The following SPTBN5 variants were observed in gnomAD, a reference collection of about 807,000 sequenced individuals.
SPTBN5 encodes spectrin beta chain, non-erythrocytic 5.
In SPTBN5, 513 loss-of-function variants were observed where a neutral mutation model predicts 477.6. The ratio of observed to expected loss-of-function variants is 1.07; its 90% CI spans 1.00 to 1.16. The LOEUF (loss-of-function observed/expected upper bound fraction) is 1.16, where lower values mean the gene tolerates loss of function less well. Among genes scored for constraint, SPTBN5 ranks in the 50% most tolerant of loss-of-function variants. SPTBN5 has a pLI of 0.00. For synonymous variants in SPTBN5, 2,169 were observed against 2,011.7 expected, an observed-to-expected ratio of 1.08 and a Z score of -2.09; for missense variants, 5,062 against 4,731.8, an observed-to-expected ratio of 1.07 and a Z score of -2.05.
intron 51 of SPTBN5, 62 bp from the exon 52 acceptor site, chr15:41,857,101 C>G: frequency 6.5e-7 from 1 of 1,535,214 alleles, no homozygotes. Context: ...TTAGGGATAC[C>G]TGGTGACACA....
Position 41,882,995 on chromosome 15 carries a change from C to T in SPTBN5, c.1892+1G>A, listed in dbSNP as rs1316387726. 1 of 1,536,968 alleles carries T rather than the reference C, an allele frequency of 6.5e-7. No homozygotes were observed. Among genetic ancestry groups the T allele is most frequent in the Non-Finnish European group, 8.7e-7 (1 of 1,145,122 alleles). On this transcript the variant is annotated splice_donor_variant, in intron 9 of 67. Transcript: ENST00000320955. LOFTEE classifies it high-confidence loss of function. ...GTGGAAGAGTTGGGGCAGGCTCTTACCGGGCCCTGACAAGAGCCACCAGGC... is the reference window on the plus strand; with the variant it reads ...GTGGAAGAGTTGGGGCAGGCTCTTATCGGGCCCTGACAAGAGCCACCAGGC...
In SPTBN5 at chr15:41,857,627, A is replaced by G; in HGVS notation, c.8310T>C (p.Gly2770=). ...TCTTCTGGGAGTTGTCTTGCAGCTC[A>G]CCCCAGAGTGCTCCCAGCTCCTCCA... ...ERLEELGALW[G]ELQDNSQKKV... is the part of the protein sequence containing the mutation. The change falls in exon 50 of 68, where the codon GGT becomes GGC. Residue 2770 remains glycine (G), a synonymous_variant. Transcript: ENST00000320955. The G allele has an allele frequency of 6.2e-7, 1 of 1,603,768 alleles. No individual in the cohort carries two copies. Among genetic ancestry groups the G allele is most frequent in the Non-Finnish European group, 8.5e-7 (1 of 1,175,362 alleles).
In SPTBN5 at chr15:41,865,807, C is replaced by A. The variant is rs1440518666; in HGVS notation, c.6918+1G>T. 1.3e-6 allele frequency: 2 copies of A among 1,556,790 alleles called. No homozygotes were observed. Among genetic ancestry groups the A allele is most frequent in the Non-Finnish European group, 8.7e-7 (1 of 1,150,742 alleles). ...ACCTCTACCCAGCAAGGCCCTCTTA[C>A]CCCGGCCGAGTTTCCTCGGAACTCG... On this transcript the variant is annotated splice_donor_variant, in intron 39 of 67. Coordinates refer to ENST00000320955, the MANE Select transcript of SPTBN5 (RefSeq NM_016642.4). LOFTEE classifies it high-confidence loss of function.
At chr15:41,878,099 G>A (rs2066808815) in intron 17 of SPTBN5, among the ~76,000 whole-genome samples, 1 of 152,058 alleles carries the variant, frequency 6.6e-6, no homozygotes, top group Non-Finnish European at 1.5e-5. Flanking sequence ...GGGCTGCAGA[G>A]AGCCTCCCAG....
Position 41,867,640 on chromosome 15 carries a change from G to T in SPTBN5, c.6210C>A (p.Val2070=), listed in dbSNP as rs771440036. ...TCCCCAAGGCACTGGTTTTCAGGGAGACCTGGATCCACAGAAAAGTCAGAG... is the reference window on the plus strand; with the variant it reads ...TCCCCAAGGCACTGGTTTTCAGGGATACCTGGATCCACAGAAAAGTCAGAG... ...RLEEILAAQE[V]SLKTSALGSS... Residue 2070 remains valine, a splice_region_variant and synonymous_variant, in exon 35 of 68, where the codon GTC becomes GTA. Transcript: ENST00000320955. The T allele has an allele frequency of 7.4e-6, 12 of 1,613,188 alleles. No homozygotes were observed. In the African/African-American group the frequency reaches 1.6e-4, roughly 22 times the overall value.
At chr15:41,875,187 C>T in intron 22 of SPTBN5, 131 bp from the exon 23 acceptor site, 1 of 963,872 alleles carries the variant, frequency 1.0e-6, no homozygotes. Flanking sequence ...ACTGCCAACC[C>T]TCGGCCAGAA....
rs1489109433 is a variant in SPTBN5, at chr15:41,853,710, T to A, written c.9852A>T (p.Ala3284=). ...EACRLGQLHP[A]APGGLAKVQE... ...GCACCTTGGCCAGGCCCCCCGGAGCTGCAGGATGTAGCTGGCCCAGTCGGC... is the reference window on the plus strand; with the variant it reads ...GCACCTTGGCCAGGCCCCCCGGAGCAGCAGGATGTAGCTGGCCCAGTCGGC... Residue 3284 remains alanine (A), a synonymous_variant, in exon 58 of 68, where the codon GCA becomes GCT. Coordinates refer to ENST00000320955, the MANE Select transcript of SPTBN5 (RefSeq NM_016642.4). The A allele has an allele frequency of 3.8e-6, 6 of 1,596,208 alleles. No individual in the cohort carries two copies. The highest frequency in any genetic ancestry group is 5.1e-6 in the Non-Finnish European group (6 of 1,172,432).
chr15:41,851,176 C>T (rs2065746516), intron 64 of SPTBN5, 26 bp from the exon 65 acceptor site: 4 of 1,605,782 alleles, frequency 2.5e-6, no homozygotes, highest in Admixed American at 1.7e-5. Flanking sequence ...AGGCAGGGGT[C>T]ACTGCGGCCA....
In SPTBN5 at chr15:41,868,081, G is replaced by C; in HGVS notation, c.6195C>G (p.Leu2065=). The C allele has an allele frequency of 6.2e-7, 1 of 1,602,520 alleles. No homozygotes were observed. Among genetic ancestry groups the C allele is most frequent in the Non-Finnish European group, 8.5e-7 (1 of 1,177,438 alleles). The change falls in exon 34 of 68, where the codon CTC becomes CTG. Residue 2065 remains leucine, a synonymous_variant. Transcript: ENST00000320955. ...LRECGRLEEI[L]AAQEVSLKTS... ...GGAGGGGACCTGCCTCCTGGGCCGC[G>C]AGGATCTCCTCCAGGCGGCCGCACT...
chr15:41,857,732 CA>C (rs1567188948), intron 49 of SPTBN5, 22 bp from the exon 50 acceptor site: 1 of 1,552,454 alleles, frequency 6.4e-7, no homozygotes, highest in Non-Finnish European at 8.7e-7. Context: ...ACATGAAACA[CA>C]CCTTGTGGAC....
rs766130458 is a variant in SPTBN5, at chr15:41,885,836, C to G, written c.1419G>C (p.Glu473Asp). The G allele has an allele frequency of 6.4e-7, 1 of 1,561,236 alleles. No individual in the cohort carries two copies. The highest frequency in any genetic ancestry group is 2.4e-5 in the East Asian group (1 of 41,650). The change falls in exon 7 of 68, where the codon GAG (glutamate) becomes GAC (aspartate). Residue 473 changes from glutamate to aspartate, a missense_variant. Physicochemically the swap from Glu to Asp is conservative, Grantham distance 45. Coordinates refer to ENST00000320955, the MANE Select transcript of SPTBN5 (RefSeq NM_016642.4). ...GCCCCTCCTGGGGCAGGATGCCAGC[C>G]TCCAGCATGCCCAGCCTCTGGACGG... is the stretch of plus-strand genomic sequence containing the variant. ...EAAVQRLGML[E>D]AGILPQEGRF...
In SPTBN5 at chr15:41,852,625, A is replaced by G. The variant is rs761509877; in HGVS notation, c.10449+9T>C. The G allele has an allele frequency of 4.3e-6, 7 of 1,613,026 alleles. No homozygotes were observed. The African/African-American group carries it at 9.3e-5, about 22-fold the overall frequency. ...CCAGCCCTCAGCCCCTAGCCGAGGC[A>G]GTCGTCACCTCTGTCTTTTGCATTT... On this transcript the variant is annotated intron_variant, in intron 61 of 67. Transcript: ENST00000320955.
In SPTBN5 at chr15:41,882,650, G is replaced by A. The variant is rs776286113; in HGVS notation, c.1981C>T (p.Arg661Trp). The A allele has an allele frequency of 7.5e-6, 12 of 1,607,254 alleles. No homozygotes were observed. In the East Asian group the frequency reaches 2.0e-4, roughly 27 times the overall value. The change falls in exon 10 of 68, where the codon CGG becomes TGG. Residue 661 changes from arginine (R) to tryptophan (W), a missense_variant. Transcript: ENST00000320955. ...CGGCCCAGGGCCGCATTCCCCACCCGCTGTCCGCACTCCTTCAGCCAGGCT... is the reference window on the plus strand; with the variant it reads ...CGGCCCAGGGCCGCATTCCCCACCCACTGTCCGCACTCCTTCAGCCAGGCT... ...EEAWLKECGQ[R>W]VGNAALGRDL... is the part of the protein sequence containing the mutation.
At position 41,886,092 on chromosome 15, in the gene SPTBN5, TGAGGCAG is replaced by T; in HGVS notation, c.1156_1162del (p.Leu386MetfsTer37). The T allele has an allele frequency of 6.2e-7, 1 of 1,607,562 alleles. No individual in the cohort carries two copies. Among genetic ancestry groups the T allele is most frequent in the Non-Finnish European group, 8.5e-7 (1 of 1,176,672 alleles). On this transcript the variant is annotated frameshift_variant, in exon 7 of 68. Coordinates refer to ENST00000320955, the MANE Select transcript of SPTBN5 (RefSeq NM_016642.4). LOFTEE classifies it high-confidence loss of function. ...CAGCTCTGCAAGGCCCAGGCCCTCA[TGAGGCAG>T]GAAGGGCCTGCGGTTCTGGGCTTGG...
chr15:41,862,261 G>A lies in SPTBN5; in HGVS notation c.7417C>T (p.Gln2473Ter). Reference protein sequence around the residue: ...REALDALHQAQKLQAMLQELL... With the variant: ...REALDALHQA ...TCCTGCAGCATTGCCTGGAGTTTCT[G>A]AGCTTGGTGCAAGGCATCCAGCGCC... Residue 2473 changes from glutamine to a stop codon, truncating the protein, a stop_gained, in exon 44 of 68, where the codon CAG becomes TAG. Transcript: ENST00000320955. LOFTEE classifies it high-confidence loss of function. 13 of 1,609,714 alleles carry A rather than the reference G, an allele frequency of 8.1e-6. No homozygotes were observed. The highest frequency in any genetic ancestry group is 1.1e-5 in the Non-Finnish European group (13 of 1,178,108).
chr15:41,874,609 G>T, intron 23 of SPTBN5, 131 bp from the exon 24 acceptor site: 1 of 909,004 alleles, frequency 1.1e-6, no homozygotes, highest in Non-Finnish European at 1.6e-6. Context: ...ATCTGACAAA[G>T]GGAGGCAGTG....
intron 47 of SPTBN5, among the ~76,000 whole-genome samples, chr15:41,859,683 G>T (rs2066037129): frequency 6.6e-6 from 1 of 152,182 alleles, no homozygotes; most frequent in African/African-American, 2.4e-5. Context: ...CACTGTGCTG[G>T]GGGAAGCTGA....
At chr15:41,861,619 G>T in intron 45 of SPTBN5, 116 bp downstream of exon 45, 1 of 1,502,964 alleles carries the variant, frequency 6.7e-7, no homozygotes, top group Admixed American at 1.9e-5. Flanking sequence ...GCTGAGTGGT[G>T]GGGAAGTCCC....
chr15:41,870,453 T>A lies in SPTBN5; in HGVS notation c.5555A>T (p.Gln1852Leu). ...VHRDLLEVLTQVQEKATSLPN... is the reference protein window; with the variant it reads ...VHRDLLEVLTLVQEKATSLPN... ...CACCCCTCCGGCTCACACCTGGACCTGGGTGAGGACTTCCAAGAGATCTCT... is the reference window on the plus strand; with the variant it reads ...CACCCCTCCGGCTCACACCTGGACCAGGGTGAGGACTTCCAAGAGATCTCT... The change falls in exon 30 of 68, where the codon CAG (glutamine) becomes CTG (leucine). Residue 1852 changes from glutamine (Q) to leucine (L), a missense_variant. Physicochemically the swap from Gln to Leu is moderately radical, Grantham distance 113 (BLOSUM62 -2). Transcript: ENST00000320955. The A allele has an allele frequency of 1.2e-6, 2 of 1,613,462 alleles. No individual in the cohort carries two copies. The highest frequency in any genetic ancestry group is 1.7e-6 in the Non-Finnish European group (2 of 1,179,776).
Sources: allele counts gnomAD v4.1 joint callset (sites outside exome capture counted in the v4.1 genomes callset), GRCh38; gene constraint gnomAD v4.1.1; transcripts MANE v1.5; gene names NCBI Gene and HGNC (gene_info 2026-07-23, HGNC 2026-07-21).